Variants in TENM3 observed in about 807,000 individuals in gnomAD.
The protein encoded by TENM3 is teneurin-3.
In TENM3, 63 loss-of-function variants were observed where a neutral mutation model predicts 255.1. That is an observed-to-expected ratio of 0.25 (90% confidence interval 0.20 to 0.30). The LOEUF is 0.30. TENM3 is among the 10% of genes least tolerant of loss of function. TENM3 has a pLI of 1.00. For synonymous variants in TENM3, 1,306 were observed against 1,322.3 expected (o/e 0.99, Z 0.27); for missense variants, 2,929 against 3,461.1 (o/e 0.85, Z 3.86).
chr4:181,738,724 C>T, the TENM3 span, among the ~76,000 whole-genome samples: 2 of 152,048 alleles, frequency 1.3e-5, no homozygotes, highest in African/African-American at 4.8e-5. Context: ...TCTGAACCCC[C>T]CTCCTAAATT....
chr4:181,765,768 G>T, the TENM3 span, among the ~76,000 whole-genome samples: 4 of 152,166 alleles, frequency 2.6e-5, no homozygotes, highest in African/African-American at 9.7e-5. Context: ...CCACCAAAAT[G>T]CAGTACAGCT....
chr4:182,402,211 C>A (rs1357165373), intron 3 of TENM3, among the ~76,000 whole-genome samples: 1 of 152,150 alleles, frequency 6.6e-6, no homozygotes, highest in Non-Finnish European at 1.5e-5. Flanking sequence ...TATTGGAATA[C>A]CCAAATGCAC....
At chr4:182,431,168 G>A (rs1771612261) in intron 3 of TENM3, among the ~76,000 whole-genome samples, 1 of 151,890 alleles carries the variant, frequency 6.6e-6, no homozygotes, top group Non-Finnish European at 1.5e-5. Flanking sequence ...AAGGTGATAA[G>A]GGTCTAGGTC....
chr4:182,789,798 G>A lies in TENM3; in HGVS notation c.5601+409G>A, dbSNP rs1396295162. 1.3e-5 allele frequency among the ~76,000 whole-genome samples: 2 copies of A among 152,184 alleles called. No individual in the cohort carries two copies. The highest frequency in any genetic ancestry group is 2.9e-5 in the Non-Finnish European group (2 of 68,036). On this transcript the variant is annotated intron_variant, in intron 25 of 27. Coordinates refer to ENST00000511685, the MANE Select transcript of TENM3 (RefSeq NM_001080477.4). The surrounding 1 kb of genome is among the most constrained non-coding windows in gnomAD (Gnocchi z 4.4). The stretch of plus-strand genomic sequence containing the variant: ...TGTCAGCTTTGTGTTATTCCTGGCA[G>A]AGCTTCAACATAATCATAAAAAGCA...
chr4:182,009,941 G>GC, the TENM3 span, among the ~76,000 whole-genome samples: 3 of 152,088 alleles, frequency 2.0e-5, no homozygotes, highest in East Asian at 5.8e-4. Context: ...TTGGCTGGGG[G>GC]GAGGGGGTTC....
At chr4:182,002,005 G>A in the TENM3 span, among the ~76,000 whole-genome samples, 2 of 151,994 alleles carry the variant, frequency 1.3e-5, no homozygotes, top group Admixed American at 6.6e-5. Flanking sequence ...TTTTTGAAAA[G>A]GCTTTAAATG....
the TENM3 span, among the ~76,000 whole-genome samples, chr4:181,954,197 C>T: frequency 6.6e-6 from 1 of 152,082 alleles, no homozygotes; most frequent in South Asian, 2.1e-4. Flanking sequence ...CAGGTTGTTT[C>T]CAATTTAATC....
chr4:181,793,739 C>T, the TENM3 span, among the ~76,000 whole-genome samples: 9 of 152,324 alleles, frequency 5.9e-5, 1 homozygote, highest in African/African-American at 1.7e-4. Context: ...AAAGGGCTGG[C>T]TTTCCCATAC....
the TENM3 span, among the ~76,000 whole-genome samples, chr4:181,635,791 GT>G: frequency 2.0e-5 from 3 of 152,184 alleles, no homozygotes; most frequent in African/African-American, 7.2e-5. Context: ...TAAAAAAATT[GT>G]TGCAGAGCAC....
At chr4:182,380,285 C>G (rs368959293) in intron 3 of TENM3, among the ~76,000 whole-genome samples, 5 of 39,440 alleles carry the variant, frequency 1.3e-4, no homozygotes, top group African/African-American at 3.8e-4. Context: ...AAACAAAAAG[C>G]AAAAACAAAA....
At chr4:182,014,061 T>C in the TENM3 span, among the ~76,000 whole-genome samples, 5 of 40,710 alleles carry the variant, frequency 1.2e-4, no homozygotes, top group Non-Finnish European at 2.9e-4. Flanking sequence ...TACGTGTATA[T>C]ACGTATATAC....
At chr4:182,635,963 C>A (rs1446666958) in intron 5 of TENM3, among the ~76,000 whole-genome samples, 1 of 152,160 alleles carries the variant, frequency 6.6e-6, no homozygotes, top group African/African-American at 2.4e-5. Context: ...AGCCATTTAA[C>A]TATATATGGC....
At chr4:182,630,760 T>TTTATTA (rs148489960) in intron 5 of TENM3, among the ~76,000 whole-genome samples, 51 of 115,954 alleles carry the variant, frequency 4.4e-4, no homozygotes, top group African/African-American at 1.7e-3. Context: ...TTTATTTTAT[T>TTTATTA]TTATTATTAT....
At chr4:182,079,500 A>T in the TENM3 span, 1 of 152,204 alleles carries the variant, frequency 6.6e-6, no homozygotes, top group Non-Finnish European at 1.5e-5. Flanking sequence ...TGGGTGACAG[A>T]GCAAGAGAAA....
chr4:181,460,282 C>T, the TENM3 span, among the ~76,000 whole-genome samples: 1 of 151,840 alleles, frequency 6.6e-6, no homozygotes, highest in Non-Finnish European at 1.5e-5. Context: ...ATTCTAATTT[C>T]CAAACGTGCT....
the TENM3 span, among the ~76,000 whole-genome samples, chr4:181,552,945 A>C: frequency 6.6e-6 from 1 of 150,808 alleles, no homozygotes; most frequent in Admixed American, 6.6e-5. Context: ...CGCACGCACC[A>C]CACACACACC....
chr4:181,525,603 G>C, the TENM3 span, among the ~76,000 whole-genome samples: 2 of 152,008 alleles, frequency 1.3e-5, no homozygotes, highest in Non-Finnish European at 2.9e-5. Flanking sequence ...CTGATGGTTT[G>C]CTCCTCTGTA....
chr4:181,727,871 C>T, the TENM3 span, among the ~76,000 whole-genome samples: 1 of 152,178 alleles, frequency 6.6e-6, no homozygotes, highest in African/African-American at 2.4e-5. Flanking sequence ...GACAGCTAGT[C>T]CTAATGTTAC....
chr4:182,211,247 C>T (rs1486006705), intron 1 of TENM3, among the ~76,000 whole-genome samples: 1 of 152,262 alleles, frequency 6.6e-6, no homozygotes, highest in African/African-American at 2.4e-5. Context: ...TTCTTGTTCA[C>T]GAGAAGGATA....
Sources: gnomAD v4.1 joint callset for allele counts (sites outside exome capture counted in the v4.1 genomes callset) on GRCh38, gnomAD v4.1.1 for gene constraint, Gnocchi (gnomAD v3.1) non-coding constraint, MANE v1.5 for transcripts, NCBI Gene and HGNC (gene_info 2026-07-23, HGNC 2026-07-21) for gene names.